CNTN5: variants seen among roughly 807,000 people sequenced by gnomAD.
CNTN5 encodes contactin 5.
In CNTN5, 77 loss-of-function variants were observed where a neutral mutation model predicts 129.1. The observed-to-expected ratio is 0.60, with a 90% CI of 0.50 to 0.72. The LOEUF (loss-of-function observed/expected upper bound fraction) is 0.72. CNTN5 is among the 30% of genes least tolerant of loss of function. CNTN5 has a pLI of 0.00. For synonymous variants in CNTN5, 509 were observed against 465.6 expected (o/e 1.09, Z -1.20); for missense variants, 1,478 against 1,328.8 (o/e 1.11, Z -1.75).
intron 4 of CNTN5, among the ~76,000 whole-genome samples, chr11:99,843,452 T>G (rs550944484): frequency 6.6e-6 from 1 of 152,332 alleles, no homozygotes; most frequent in East Asian, 1.9e-4. Context: ...CCCAGAATTT[T>G]TTTTTAGCTC....
At chr11:99,955,423 G>A (rs1420957394) in intron 7 of CNTN5, among the ~76,000 whole-genome samples, 3 of 151,936 alleles carry the variant, frequency 2.0e-5, no homozygotes, top group Admixed American at 6.5e-5. Flanking sequence ...ACTGGGTGAT[G>A]GTAACAGTAA....
At chr11:100,169,887 G>A (rs1349314857) in intron 13 of CNTN5, among the ~76,000 whole-genome samples, 1 of 151,790 alleles carries the variant, frequency 6.6e-6, no homozygotes, top group Non-Finnish European at 1.5e-5. Flanking sequence ...TCTGTCCCTA[G>A]GCTAAAACTT....
chr11:100,129,606 C>T (rs556980431), intron 13 of CNTN5, among the ~76,000 whole-genome samples: 16 of 152,088 alleles, frequency 1.1e-4, no homozygotes, highest in Middle Eastern at 3.4e-3. Context: ...TAATTTTCTT[C>T]GGAGCTACAG....
intron 7 of CNTN5, among the ~76,000 whole-genome samples, chr11:99,933,269 C>T (rs1950232584): frequency 2.0e-5 from 3 of 152,052 alleles, no homozygotes. Flanking sequence ...TCTCAGTTGG[C>T]AAATTAATAT....
chr11:99,849,958 C>T (rs1947819758), intron 6 of CNTN5, among the ~76,000 whole-genome samples: 1 of 152,044 alleles, frequency 6.6e-6, no homozygotes, highest in East Asian at 1.9e-4. Flanking sequence ...TTTTAAAAAT[C>T]TTACATGCTT....
chr11:99,539,210 A>G (rs1948009183), intron 2 of CNTN5, among the ~76,000 whole-genome samples: 2 of 152,134 alleles, frequency 1.3e-5, no homozygotes, highest in African/African-American at 4.8e-5. Context: ...TGCAAAGTGA[A>G]ATACAATTTT....
At chr11:99,298,097 GCC>G (rs1864465758) in intron 1 of CNTN5, among the ~76,000 whole-genome samples, 1 of 152,084 alleles carries the variant, frequency 6.6e-6, no homozygotes, top group African/African-American at 2.4e-5. Context: ...ACCCAAGTGG[GCC>G]CTGTAGGTAC....
intron 2 of CNTN5, among the ~76,000 whole-genome samples, chr11:99,388,638 C>T (rs1343227465): frequency 1.3e-5 from 2 of 152,122 alleles, no homozygotes; most frequent in Non-Finnish European, 2.9e-5. Flanking sequence ...GTGGAATCTA[C>T]TGCCACATTG....
intron 3 of CNTN5, among the ~76,000 whole-genome samples, chr11:99,695,372 A>G (rs192745209): frequency 5.4e-4 from 82 of 152,142 alleles, no homozygotes; most frequent in African/African-American, 1.9e-3. Flanking sequence ...ATATTTTCAA[A>G]TGTCTGAATT....
At chr11:100,327,410 C>A (rs978702324) in intron 21 of CNTN5, among the ~76,000 whole-genome samples, 1 of 152,174 alleles carries the variant, frequency 6.6e-6, no homozygotes, top group Non-Finnish European at 1.5e-5. Context: ...CCTCTGCCTT[C>A]CCTCTCCCTT....
Position 100,061,124 on chromosome 11 carries a change from C to G in CNTN5, c.981-88C>G, listed in dbSNP as rs545750503. The G allele has an allele frequency of 1.8e-5, 19 of 1,033,116 alleles. No individual in the cohort carries two copies. The East Asian group carries it at 2.5e-4, about 14-fold the overall frequency. The allele number at this position is 1,033,116 out of a possible 1,614,324, so 64.0% of individuals were successfully genotyped here. A position where few individuals can be genotyped will look rare whatever the true frequency, so the allele number is the denominator to read the frequency against. ...TGTGATTACATTTTATTGCACTCAGCCTATTAAGTGCTTAAATTACCAGAT... is the reference window on the plus strand; with the variant it reads ...TGTGATTACATTTTATTGCACTCAGGCTATTAAGTGCTTAAATTACCAGAT... On this transcript the variant is annotated intron_variant, in intron 9 of 24. Transcript: ENST00000524871.
At chr11:99,102,178 A>T (rs1490229186) in intron 1 of CNTN5, among the ~76,000 whole-genome samples, 1 of 152,058 alleles carries the variant, frequency 6.6e-6, no homozygotes, top group African/African-American at 2.4e-5. Flanking sequence ...GGCACCAAGT[A>T]CCTAGACTGC....
At chr11:99,524,172 TCAATCACAGTTTCTGGTCTGGGTCA>T (rs1439509571) in intron 2 of CNTN5, among the ~76,000 whole-genome samples, 1 of 152,164 alleles carries the variant, frequency 6.6e-6, no homozygotes, top group Non-Finnish European at 1.5e-5. Context: ...CAGAAAATGG[TCAATCACAGTTTCTGGTCTGGGTCA>T]CTTTTGATGG....
At position 100,271,180 on chromosome 11, in the gene CNTN5, C is replaced by A; in HGVS notation, c.2253C>A (p.Thr751=). ...WVEYEFRVVA[T]NPIGTGDPST... is the part of the protein sequence containing the mutation. Reference sequence around the variant, plus strand: ...AATATGAATTTCGAGTGGTAGCCACCAACCCTATTGGGACAGGAGATCCAA... The same window carrying A: ...AATATGAATTTCGAGTGGTAGCCACAAACCCTATTGGGACAGGAGATCCAA... The change falls in exon 18 of 25, where the codon ACC becomes ACA. Residue 751 remains threonine (T), a synonymous_variant. Transcript: ENST00000524871. The A allele has an allele frequency of 6.2e-7, 1 of 1,613,302 alleles. No homozygotes were observed. The highest frequency in any genetic ancestry group is 8.5e-7 in the Non-Finnish European group (1 of 1,179,622).
At chr11:99,386,665 T>C (rs1288500418) in intron 2 of CNTN5, among the ~76,000 whole-genome samples, 4 of 152,184 alleles carry the variant, frequency 2.6e-5, no homozygotes, top group African/African-American at 9.7e-5. Context: ...CTTAACCATC[T>C]GGGAATGCAG....
chr11:99,408,396 G>C (rs1304501167), intron 2 of CNTN5, among the ~76,000 whole-genome samples: 1 of 127,960 alleles, frequency 7.8e-6, no homozygotes, highest in African/African-American at 2.9e-5. Context: ...AAGAAAGAAA[G>C]AAAGAAGAGA....
At chr11:99,231,147 A>G (rs1860973262) in intron 1 of CNTN5, among the ~76,000 whole-genome samples, 1 of 152,202 alleles carries the variant, frequency 6.6e-6, no homozygotes, top group Admixed American at 6.5e-5. Flanking sequence ...AGAACAATTT[A>G]TATTCCTTTG....
intron 2 of CNTN5, among the ~76,000 whole-genome samples, chr11:99,458,453 A>T (rs140427978): frequency 1.3e-5 from 2 of 151,992 alleles, no homozygotes; most frequent in Non-Finnish European, 2.9e-5. Flanking sequence ...GAGGTAATGC[A>T]TTTCTTCTAT....
chr11:99,259,947 A>T lies in CNTN5; in HGVS notation c.-209-65399A>T, dbSNP rs1462577238. On this transcript the variant is annotated intron_variant, in intron 1 of 24. Coordinates refer to ENST00000524871, the MANE Select transcript of CNTN5 (RefSeq NM_014361.4). ...GTAAACTGTCTATTCATAACCTTTT[A>T]TCATTTTTTCACTTTTTTAATTTTC... 2.0e-5 allele frequency among the ~76,000 whole-genome samples: 3 copies of T among 151,702 alleles called. No individual in the cohort carries two copies. The East Asian group carries it at 5.8e-4, about 29-fold the overall frequency.
Sources: allele counts gnomAD v4.1 joint callset (sites outside exome capture counted in the v4.1 genomes callset), GRCh38; gene constraint gnomAD v4.1.1; transcripts MANE v1.5; gene names NCBI Gene and HGNC (gene_info 2026-07-23, HGNC 2026-07-21).